The following PEX2 variants were observed in gnomAD, a reference collection of about 807,000 sequenced individuals.
The protein encoded by PEX2 is peroxisomal biogenesis factor 2, also known as peroxisome biogenesis factor 2.
Under a neutral mutation model 25.2 loss-of-function variants are expected in PEX2, and 19 were observed. That is an observed-to-expected ratio of 0.75 (90% confidence interval 0.53 to 1.10). The LOEUF is 1.10. PEX2 is among the 50% of genes least tolerant of loss of function. PEX2 has a pLI of 0.00. For synonymous variants in PEX2, 141 were observed against 127.7 expected (o/e 1.10, Z -0.70); for missense variants, 347 against 350.6 (o/e 0.99, Z 0.08).
chr8:76,984,892 TCA>T (rs1806960532), intron 3 of PEX2, among the ~76,000 whole-genome samples: 1 of 151,938 alleles, frequency 6.6e-6, no homozygotes, highest in Non-Finnish European at 1.5e-5. Flanking sequence ...AATGTATATA[TCA>T]CACAGTACTC....
chr8:76,996,363 G>T (rs927114379), intron 1 of PEX2, among the ~76,000 whole-genome samples: 2 of 152,150 alleles, frequency 1.3e-5, no homozygotes, highest in African/African-American at 4.8e-5. Flanking sequence ...ATGACCAGAG[G>T]GGGCAGAACC....
rs749956542 is a variant in PEX2 at position 76,983,397 on chromosome 8, T to C, written c.782A>G (p.His261Arg). ...CTTAGCACAGAAATAACAGAAAATATGCTCACATCCTATGGTGTGAGGCAT... is the reference window on the plus strand; with the variant it reads ...CTTAGCACAGAAATAACAGAAAATACGCTCACATCCTATGGTGTGAGGCAT... ...PTMPHTIGCE[H>R]IFCYFCAKSS... The change falls in exon 4 of 4, where the codon CAT becomes CGT. Residue 261 changes from histidine (H) to arginine (R), a missense_variant. Physicochemically the swap from His to Arg is conservative, Grantham distance 29. Coordinates refer to ENST00000357039, the MANE Select transcript of PEX2 (RefSeq NM_000318.3). 7.4e-6 allele frequency: 12 copies of C among 1,613,966 alleles called. No homozygotes were observed. The Admixed American group carries it at 8.3e-5, about 11-fold the overall frequency.
In PEX2 at chr8:76,981,241, TAGG is replaced by T. The variant is rs964207977; in HGVS notation, c.*2017_*2019del. 1 of 152,168 alleles carries T rather than the reference TAGG, an allele frequency of 6.6e-6. No homozygotes were observed. The highest frequency in any genetic ancestry group is 2.4e-5 in the African/African-American group (1 of 41,400). The allele number at this position is 152,168 out of a possible 1,614,324, so 9.4% of individuals were successfully genotyped here. The stretch of plus-strand genomic sequence containing the variant: ...ATCCCACAACTTTGGGAGGCCAGGG[TAGG>T]AGGACTGCTTGAGCCCAGAAGTTCA... On this transcript the variant is annotated 3_prime_UTR_variant, in exon 4 of 4. Transcript: ENST00000357039.
Position 76,982,266 on chromosome 8 carries a change from C to A in PEX2, c.*995G>T, listed in dbSNP as rs529651329. 2 of 152,194 alleles carry A rather than the reference C, an allele frequency of 1.3e-5. No individual in the cohort carries two copies. The highest frequency in any genetic ancestry group is 4.2e-4 in the South Asian group (2 of 4,818). The allele number at this position is 152,194 out of a possible 1,614,324, so 9.4% of individuals were successfully genotyped here. A position where few individuals can be genotyped will look rare whatever the true frequency, so the allele number is the denominator to read the frequency against. ...TTGATTATGCACTGCTGTTACTATT[C>A]CCATGCTAAAGACCCCTTTTGTTTC... On this transcript the variant is annotated 3_prime_UTR_variant, in exon 4 of 4. Transcript: ENST00000357039.
upstream of PEX2, chr8:77,000,273 C>T (rs963115396): frequency 5.3e-5 from 16 of 299,780 alleles, no homozygotes; most frequent in African/African-American, 3.4e-4. Flanking sequence ...CACCCGCGCG[C>T]GGTGATTGGC....
At chr8:76,993,538 A>T (rs929086644) in intron 1 of PEX2, among the ~76,000 whole-genome samples, 3 of 152,276 alleles carry the variant, frequency 2.0e-5, no homozygotes, top group South Asian at 4.1e-4. Flanking sequence ...ATGCCCAACC[A>T]CTGGTAAGTC....
chr8:76,999,739 C>T (rs1586081280), intron 1 of PEX2: 3 of 422,094 alleles, frequency 7.1e-6, no homozygotes, highest in African/African-American at 6.3e-5. Flanking sequence ...TGCAGAGGGG[C>T]TCAACTGCAG....
chr8:76,991,299 C>T (rs1179865686), intron 1 of PEX2, among the ~76,000 whole-genome samples: 3 of 152,138 alleles, frequency 2.0e-5, no homozygotes, highest in Admixed American at 1.3e-4. Context: ...TTAACCAATA[C>T]AATATTTAAC....
Position 76,985,571 on chromosome 8 carries a change from C to A in PEX2, c.-18+616G>T, listed in dbSNP as rs114671748. ...ATATATGAAATCATTACATTGCACA[C>A]TTTGAATATATACCATTTTTACTTG... On this transcript the variant is annotated intron_variant, in intron 3 of 3. Transcript: ENST00000357039. 5.1e-3 allele frequency among the ~76,000 whole-genome samples: 777 copies of A among 152,142 alleles called. 7 individuals are homozygous for A. Among genetic ancestry groups the A allele is most frequent in the African/African-American group, 0.018 (735 of 41,496 alleles).
chr8:76,990,592 T>C (rs1344449891), intron 1 of PEX2, among the ~76,000 whole-genome samples: 2 of 152,150 alleles, frequency 1.3e-5, no homozygotes, highest in African/African-American at 4.8e-5. Flanking sequence ...ATTGGCCTAA[T>C]TTCAACATTG....
intron 1 of PEX2, among the ~76,000 whole-genome samples, chr8:76,990,735 T>C (rs1215286696): frequency 6.6e-5 from 10 of 151,952 alleles, no homozygotes. Context: ...ATGGATACAG[T>C]TCGTGGTGCC....
intron 1 of PEX2, among the ~76,000 whole-genome samples, chr8:76,997,554 G>C (rs748807562): frequency 6.6e-6 from 1 of 152,124 alleles, no homozygotes; most frequent in Non-Finnish European, 1.5e-5. Flanking sequence ...GGGCAACACA[G>C]CAAGACTCTG....
In PEX2 at chr8:76,983,063, T is replaced by C; in HGVS notation, c.*198A>G. On this transcript the variant is annotated 3_prime_UTR_variant, in exon 4 of 4. Coordinates refer to ENST00000357039, the MANE Select transcript of PEX2 (RefSeq NM_000318.3). Reference sequence around the variant, plus strand: ...ATTGAATGCAATGATTTAAAAAACATAATACATTAACATTTACATAATATA... The same window carrying C: ...ATTGAATGCAATGATTTAAAAAACACAATACATTAACATTTACATAATATA... The C allele has an allele frequency of 1.5e-6, 2 of 1,366,230 alleles. No homozygotes were observed. The highest frequency in any genetic ancestry group is 1.9e-6 in the Non-Finnish European group (2 of 1,042,604). 84.6% of individuals were successfully genotyped at this position (1,366,230 alleles called of 1,614,324 possible). A position where few individuals can be genotyped will look rare whatever the true frequency, so the allele number is the denominator to read the frequency against.
chr8:76,989,324 A>T (rs1807095847), intron 1 of PEX2, among the ~76,000 whole-genome samples: 1 of 152,160 alleles, frequency 6.6e-6, no homozygotes, highest in African/African-American at 2.4e-5. Context: ...CCTCCACTGA[A>T]GTCTTGAACT....
At chr8:76,985,171 A>T (rs1315546734) in intron 3 of PEX2, among the ~76,000 whole-genome samples, 1 of 34,248 alleles carries the variant, frequency 2.9e-5, no homozygotes, top group Admixed American at 4.6e-4. Flanking sequence ...AAATCCACCC[A>T]TGACAAAAAA....
In PEX2 at chr8:76,983,662, T is replaced by A; in HGVS notation, c.517A>T (p.Ile173Phe). The A allele has an allele frequency of 6.2e-7, 1 of 1,614,138 alleles. No individual in the cohort carries two copies. The highest frequency in any genetic ancestry group is 1.3e-5 in the African/African-American group (1 of 75,056). The change falls in exon 4 of 4, where the codon ATT becomes TTT. Residue 173 changes from isoleucine to phenylalanine, a missense_variant. By Grantham distance (21) the Ile-to-Phe change is conservative (BLOSUM62 0). Transcript: ENST00000357039. ...TGAGGCTTGCAAAATACAGAATGAA[T>A]ACCTAGGAGACGTTCTGTCAAAGTT... Reference protein sequence around the residue: ...FATLTERLLGIHSVFCKPQNI... With the variant: ...FATLTERLLGFHSVFCKPQNI...
intron 1 of PEX2, among the ~76,000 whole-genome samples, chr8:76,989,303 T>C (rs1422660665): frequency 2.0e-5 from 3 of 152,212 alleles, no homozygotes; most frequent in African/African-American, 7.2e-5. Flanking sequence ...CTATCACATC[T>C]GTAGTTACTT....
chr8:76,980,350 A>T lies in PEX2; in HGVS notation c.*2911T>A, dbSNP rs1358403734. The T allele has an allele frequency of 6.6e-6, 1 of 152,248 alleles. No individual in the cohort carries two copies. Among genetic ancestry groups the T allele is most frequent in the African/African-American group, 2.4e-5 (1 of 41,456 alleles). 9.4% of individuals were successfully genotyped at this position (152,248 alleles called of 1,614,324 possible). A position where few individuals can be genotyped will look rare whatever the true frequency, so the allele number is the denominator to read the frequency against. On this transcript the variant is annotated 3_prime_UTR_variant, in exon 4 of 4. Coordinates refer to ENST00000357039, the MANE Select transcript of PEX2 (RefSeq NM_000318.3). ...TACTTATGAATGTCCTTATCAAGCTAGATCACTGGTAAAATGAGACTGCAA... is the reference window on the plus strand; with the variant it reads ...TACTTATGAATGTCCTTATCAAGCTTGATCACTGGTAAAATGAGACTGCAA...
chr8:76,997,568 CA>C (rs1282004593), intron 1 of PEX2, among the ~76,000 whole-genome samples: 1 of 151,820 alleles, frequency 6.6e-6, no homozygotes, highest in African/African-American at 2.4e-5. Flanking sequence ...GACTCTGTCT[CA>C]AAAAAATGAA....
Sources: allele counts gnomAD v4.1 joint callset (sites outside exome capture counted in the v4.1 genomes callset), GRCh38; gene constraint gnomAD v4.1.1; transcripts MANE v1.5; gene names NCBI Gene and HGNC (gene_info 2026-07-23, HGNC 2026-07-21).